TCHHL1: variants seen among roughly 807,000 people sequenced by gnomAD.
The protein encoded by TCHHL1 is trichohyalin-like protein 1.
In TCHHL1, 1 loss-of-function variant was observed where a neutral mutation model predicts 3.5. The observed-to-expected ratio is 0.29, with a 90% CI of 0.10 to 1.36. The LOEUF (loss-of-function observed/expected upper bound fraction) is 1.36. TCHHL1 is among the 40% of genes most tolerant of loss of function. The pLI is 0.43. For synonymous variants in TCHHL1, 405 were observed against 375.3 expected, an observed-to-expected ratio of 1.08 and a Z score of -0.92; for missense variants, 1,027 against 1,032.8, an observed-to-expected ratio of 0.99 and a Z score of 0.08.
At position 152,086,270 on chromosome 1, in the gene TCHHL1, T is replaced by A; in HGVS notation, c.1412A>T (p.His471Leu). ...TGCTTCTGCTGTGCCTTCTTTGGTG[T>A]GTTCTGCCTCTTCTCCTGAGACTGC... Reference protein sequence around the residue: ...GTAVSGEEAEHTKEGTAEAFV... With the variant: ...GTAVSGEEAELTKEGTAEAFV... Residue 471 changes from histidine (H) to leucine (L), a missense_variant, in exon 3 of 3, where the codon CAC becomes CTC. His to Leu is a moderately conservative substitution (Grantham distance 99). Coordinates refer to ENST00000368806, the MANE Select transcript of TCHHL1 (RefSeq NM_001008536.2). 6.2e-7 allele frequency: 1 copy of A among 1,614,264 alleles called. No individual in the cohort carries two copies. Among genetic ancestry groups the A allele is most frequent in the East Asian group, 2.2e-5 (1 of 44,890 alleles).
In TCHHL1 at chr1:152,086,445, G is replaced by A. The variant is rs771617023; in HGVS notation, c.1237C>T (p.Arg413Trp). The change falls in exon 3 of 3, where the codon CGG becomes TGG. Residue 413 changes from arginine to tryptophan, a missense_variant. Around this residue, in one of 3 missense-constraint regions of TCHHL1, gnomAD observed 673 missense variants for 658.6 expected, o/e 1.02. Transcript: ENST00000368806. Reference protein sequence around the residue: ...AGQKERDRKTRPLVLETQTQD... With the variant: ...AGQKERDRKTWPLVLETQTQD... ...GTTTGGGTTTCCAGGACTAGTGGCC[G>A]AGTTTTTCTGTCACGTTCTTTCTGC... The A allele has an allele frequency of 6.2e-6, 10 of 1,613,958 alleles. No individual in the cohort carries two copies. Among genetic ancestry groups the A allele is most frequent in the Middle Eastern group, 1.6e-4 (1 of 6,084 alleles).
In TCHHL1 at chr1:152,088,574, C is replaced by T. The variant is rs1324831596; in HGVS notation, c.-20-411G>A. Among the ~76,000 whole-genome samples the T allele has an allele frequency of 5.3e-5, 8 of 152,160 alleles. No individual in the cohort carries two copies. The East Asian group carries it at 5.8e-4, about 11-fold the overall frequency. ...CCCTTTGGCTCAGTCTAGCCTCCTG[C>T]GGTTAGGAGGGTATAACCTTTAAAG... On this transcript the variant is annotated intron_variant, in intron 1 of 2. Transcript: ENST00000368806.
Position 152,086,959 on chromosome 1 carries a change from C to G in TCHHL1, c.723G>C (p.Glu241Asp). ...ISQEGDEPAR[E>D]QSVSKIRDQF... ...GGTCTCTTATCTTGGAAACACTTTG[C>G]TCTCTGGCTGGTTCATCTCCTTCCT... The change falls in exon 3 of 3, where the codon GAG becomes GAC. Residue 241 changes from glutamate to aspartate, a missense_variant. Coordinates refer to ENST00000368806, the MANE Select transcript of TCHHL1 (RefSeq NM_001008536.2). The G allele has an allele frequency of 6.2e-7, 1 of 1,614,140 alleles. No homozygotes were observed. Among genetic ancestry groups the G allele is most frequent in the Non-Finnish European group, 8.5e-7 (1 of 1,180,034 alleles).
In TCHHL1 at chr1:152,084,388, C is replaced by T. The variant is rs559506893; in HGVS notation, c.*579G>A. 6.0e-6 allele frequency: 1 copy of T among 165,304 alleles called. No individual in the cohort carries two copies. Among genetic ancestry groups the T allele is most frequent in the East Asian group, 1.9e-4 (1 of 5,194 alleles). 10.2% of individuals were successfully genotyped at this position (165,304 alleles called of 1,614,324 possible). A position where few individuals can be genotyped will look rare whatever the true frequency, so the allele number is the denominator to read the frequency against. ...GGATGAGTAATTGAAAGAATGAATC[C>T]ATGGCGATAGATTCAGCTGCACCTG... On this transcript the variant is annotated 3_prime_UTR_variant, in exon 3 of 3. Transcript: ENST00000368806.
Position 152,085,029 on chromosome 1 carries a change from G to A in TCHHL1, c.2653C>T (p.Gln885Ter). 6.2e-7 allele frequency: 1 copy of A among 1,614,090 alleles called. No homozygotes were observed. Among genetic ancestry groups the A allele is most frequent in the Non-Finnish European group, 8.5e-7 (1 of 1,180,014 alleles). The change falls in exon 3 of 3, where the codon CAA becomes TAA. Residue 885 changes from glutamine (Q) to a stop codon, truncating the protein, a stop_gained. Coordinates refer to ENST00000368806, the MANE Select transcript of TCHHL1 (RefSeq NM_001008536.2). LOFTEE classifies it high-confidence loss of function. ...TPAPQALEDK[Q>*]GHPQRERLVL... ...AGCCTCTCTCTCTGAGGGTGACCTT[G>A]CTTATCTTCCAAGGCCTGGGGAGCT...
Position 152,084,976 on chromosome 1 carries a change from T to C in TCHHL1, c.2706A>G (p.Thr902=), listed in dbSNP as rs1333730424. The C allele has an allele frequency of 1.2e-6, 2 of 1,612,840 alleles. No individual in the cohort carries two copies. Among genetic ancestry groups the C allele is most frequent in the East Asian group, 2.2e-5 (1 of 44,872 alleles). The change falls in exon 3 of 3, where the codon ACA becomes ACG. Residue 902 remains threonine, a synonymous_variant. Transcript: ENST00000368806. ...TTGAGATGATAATGATTCATTGCTT[T>C]GTGGTGCTTGCCTCCCTTTGTAGTA... The part of the protein sequence containing the change: ...RLVLQREAST[T]KQ
In TCHHL1 at chr1:152,087,198, C is replaced by T. The variant is rs1457625350; in HGVS notation, c.484G>A (p.Glu162Lys). The T allele has an allele frequency of 6.2e-7, 1 of 1,614,170 alleles. No homozygotes were observed. The highest frequency in any genetic ancestry group is 1.7e-5 in the Admixed American group (1 of 60,030). The part of the protein sequence containing the change: ...VGNNRVDPWR[E>K]AKTHNFPGEA... ...CCTGGAAAGTTGTGAGTCTTGGCTT[C>T]TCTCCATGGGTCCACTCTGTTATTT... Residue 162 changes from glutamate to lysine, a missense_variant, in exon 3 of 3, where the codon GAA becomes AAA. This residue lies in a region of TCHHL1 where 338 missense variants were observed against 335.9 expected (regional missense o/e 1.01). Coordinates refer to ENST00000368806, the MANE Select transcript of TCHHL1 (RefSeq NM_001008536.2).
rs1021514165 is a variant in TCHHL1, at chr1:152,085,595, C to T, written c.2087G>A (p.Arg696Lys). The T allele has an allele frequency of 1.9e-6, 3 of 1,614,082 alleles. No homozygotes were observed. The highest frequency in any genetic ancestry group is 2.7e-5 in the African/African-American group (2 of 74,934). The change falls in exon 3 of 3, where the codon AGA becomes AAA. Residue 696 changes from arginine (R) to lysine (K), a missense_variant. Arg to Lys is a conservative substitution (Grantham distance 26). This residue lies in a region of TCHHL1 where 673 missense variants were observed against 658.6 expected (regional missense o/e 1.02). Coordinates refer to ENST00000368806, the MANE Select transcript of TCHHL1 (RefSeq NM_001008536.2). ...LMQLPGKGDSRNELKVQGPSS... is the reference protein window; with the variant it reads ...LMQLPGKGDSKNELKVQGPSS... The stretch of plus-strand genomic sequence containing the variant: ...TGGGCCTTGGACCTTTAATTCATTT[C>T]TGCTATCTCCCTTTCCAGGGAGCTG...
chr1:152,084,968 C>G lies in TCHHL1; in HGVS notation c.2714G>C (p.Ter905SerextTer27). The change falls in exon 3 of 3, where the codon TGA (stop) becomes TCA (serine). Residue 905 changes from the stop codon to serine, a stop_lost. Transcript: ENST00000368806. Reference protein sequence around the residue: ...LQREASTTKQ* With the variant: ...LQREASTTKQS ...GGGGCATGTTGAGATGATAATGATTCATTGCTTTGTGGTGCTTGCCTCCCT... is the reference window on the plus strand; with the variant it reads ...GGGGCATGTTGAGATGATAATGATTGATTGCTTTGTGGTGCTTGCCTCCCT... The G allele has an allele frequency of 6.2e-7, 1 of 1,611,034 alleles. No individual in the cohort carries two copies.
chr1:152,088,181 C>T lies in TCHHL1; in HGVS notation c.-20-18G>A. ...AGGAGAGGCTGTGAGAAAGAATAAACAAAGCTCATTTTCCAGGATGGGTCC... is the reference window on the plus strand; with the variant it reads ...AGGAGAGGCTGTGAGAAAGAATAAATAAAGCTCATTTTCCAGGATGGGTCC... On this transcript the variant is annotated intron_variant, in intron 1 of 2. Transcript: ENST00000368806. 1 of 1,515,608 alleles carries T rather than the reference C, an allele frequency of 6.6e-7. No individual in the cohort carries two copies. The allele number at this position is 1,515,608 out of a possible 1,614,324, so 93.9% of individuals were successfully genotyped here.
rs751729124 is a variant in TCHHL1, at chr1:152,086,583, A to G, written c.1099T>C (p.Cys367Arg). The part of the protein sequence containing the change: ...GRTSETQEKE[C>R]ETKDLPVQYG... ...TGGACTGGCAGGTCCTTTGTTTCACATTCTTTTTCTTGGGTCTCAGATGTT... is the reference window on the plus strand; with the variant it reads ...TGGACTGGCAGGTCCTTTGTTTCACGTTCTTTTTCTTGGGTCTCAGATGTT... Residue 367 changes from cysteine (C) to arginine (R), a missense_variant, in exon 3 of 3, where the codon TGT (cysteine) becomes CGT (arginine). Cys to Arg is a radical substitution (Grantham distance 180). This residue lies in a region of TCHHL1 where 673 missense variants were observed against 658.6 expected (regional missense o/e 1.02). Coordinates refer to ENST00000368806, the MANE Select transcript of TCHHL1 (RefSeq NM_001008536.2). The G allele has an allele frequency of 5.2e-5, 84 of 1,613,910 alleles. No homozygotes were observed. The Admixed American group carries it at 8.0e-4, about 15-fold the overall frequency.
Position 152,085,950 on chromosome 1 carries a change from C to T in TCHHL1, c.1732G>A (p.Asp578Asn), listed in dbSNP as rs566602576. 1.6e-5 allele frequency: 26 copies of T among 1,614,190 alleles called. No homozygotes were observed. The highest frequency in any genetic ancestry group is 3.3e-5 in the Admixed American group (2 of 60,020). Residue 578 changes from aspartate (D) to asparagine (N), a missense_variant, in exon 3 of 3, where the codon GAC becomes AAC. By Grantham distance (23) the Asp-to-Asn change is conservative. This residue lies in a region of TCHHL1 where 673 missense variants were observed against 658.6 expected (regional missense o/e 1.02). Transcript: ENST00000368806. ...PVQGDSQSQG[D>N]QHGESVQGGH... The stretch of plus-strand genomic sequence containing the variant: ...CCTTGCACAGACTCTCCATGTTGGT[C>T]CCCTTGACTCTGGGAGTCCCCTTGC...
Position 152,086,739 on chromosome 1 carries a change from G to A in TCHHL1, c.943C>T (p.Pro315Ser), listed in dbSNP as rs267598023. 3 of 1,614,180 alleles carry A rather than the reference G, an allele frequency of 1.9e-6. No homozygotes were observed. The highest frequency in any genetic ancestry group is 1.7e-6 in the Non-Finnish European group (2 of 1,180,026). ...DLPEQAAARS[P>S]SQTQKSTDSK... Reference sequence around the variant, plus strand: ...TCAGTTGATTTCTGTGTCTGAGATGGTGACCTGGCAGCAGCTTGTTCTGGC... The same window carrying A: ...TCAGTTGATTTCTGTGTCTGAGATGATGACCTGGCAGCAGCTTGTTCTGGC... The change falls in exon 3 of 3, where the codon CCA becomes TCA. Residue 315 changes from proline to serine, a missense_variant. Pro to Ser is a moderately conservative substitution (Grantham distance 74, BLOSUM62 -1). This residue lies in a region of TCHHL1 where 16 missense variants were observed against 38.3 expected (regional missense o/e 0.42). Coordinates refer to ENST00000368806, the MANE Select transcript of TCHHL1 (RefSeq NM_001008536.2).
chr1:152,087,598 A>C, intron 2 of TCHHL1, 55 bp from the exon 3 acceptor site: 1 of 1,495,144 alleles, frequency 6.7e-7, no homozygotes, highest in Non-Finnish European at 8.9e-7. Context: ...CAGTGTCCTA[A>C]GTGTCTCCCA....
Position 152,086,195 on chromosome 1 carries a change from C to T in TCHHL1, c.1487G>A (p.Arg496Lys). 1 of 1,614,194 alleles carries T rather than the reference C, an allele frequency of 6.2e-7. No individual in the cohort carries two copies. The highest frequency in any genetic ancestry group is 8.5e-7 in the Non-Finnish European group (1 of 1,180,028). ...TGGTGCTAAATCTTGTGTTCTTTCT[C>T]TTGCCCCCAGTGTCCTTTCTGCTGC... Reference protein sequence around the residue: ...APAAERTLGARERTQDLAPLE... With the variant: ...APAAERTLGAKERTQDLAPLE... The change falls in exon 3 of 3, where the codon AGA (arginine) becomes AAA (lysine). Residue 496 changes from arginine to lysine, a missense_variant. Coordinates refer to ENST00000368806, the MANE Select transcript of TCHHL1 (RefSeq NM_001008536.2).
At position 152,085,497 on chromosome 1, in the gene TCHHL1, A is replaced by G; in HGVS notation, c.2185T>C (p.Ser729Pro). ...TLLESLDEDN[S>P]ASLKIQLETK... ...TCAAGTTGTATCTTGAGGGAGGCTG[A>G]ATTGTCCTCATCTAGACTTTCTAAC... The change falls in exon 3 of 3, where the codon TCA (serine) becomes CCA (proline). Residue 729 changes from serine to proline, a missense_variant. This residue lies in a region of TCHHL1 where 673 missense variants were observed against 658.6 expected (regional missense o/e 1.02). Transcript: ENST00000368806. The G allele has an allele frequency of 6.2e-7, 1 of 1,614,148 alleles. No individual in the cohort carries two copies. Among genetic ancestry groups the G allele is most frequent in the African/African-American group, 1.3e-5 (1 of 75,018 alleles).
rs1422371104 is a variant in TCHHL1 at position 152,086,569 on chromosome 1, G to C, written c.1113C>G (p.Asp371Glu). 3 of 1,614,132 alleles carry C rather than the reference G, an allele frequency of 1.9e-6. No individual in the cohort carries two copies. The highest frequency in any genetic ancestry group is 1.3e-5 in the African/African-American group (1 of 75,012). ...TTCTGCTACCATATTGGACTGGCAG[G>C]TCCTTTGTTTCACATTCTTTTTCTT... ...ETQEKECETKDLPVQYGSRNG... is the reference protein window; with the variant it reads ...ETQEKECETKELPVQYGSRNG... The change falls in exon 3 of 3, where the codon GAC becomes GAG. Residue 371 changes from aspartate (D) to glutamate (E), a missense_variant. This residue lies in a region of TCHHL1 where 673 missense variants were observed against 658.6 expected (regional missense o/e 1.02). Coordinates refer to ENST00000368806, the MANE Select transcript of TCHHL1 (RefSeq NM_001008536.2).
Position 152,085,013 on chromosome 1 carries a change from C to T in TCHHL1, c.2669G>A (p.Arg890Lys). The T allele has an allele frequency of 6.2e-7, 1 of 1,614,078 alleles. No homozygotes were observed. The highest frequency in any genetic ancestry group is 8.5e-7 in the Non-Finnish European group (1 of 1,180,004). The stretch of plus-strand genomic sequence containing the variant: ...CTCCCTTTGTAGTACCAGCCTCTCT[C>T]TCTGAGGGTGACCTTGCTTATCTTC... The part of the protein sequence containing the change: ...ALEDKQGHPQ[R>K]ERLVLQREAS... The change falls in exon 3 of 3, where the codon AGA becomes AAA. Residue 890 changes from arginine (R) to lysine (K), a missense_variant. By Grantham distance (26) the Arg-to-Lys change is conservative. Around this residue, in one of 3 missense-constraint regions of TCHHL1, gnomAD observed 673 missense variants for 658.6 expected, o/e 1.02. Transcript: ENST00000368806.
chr1:152,086,241 C>A lies in TCHHL1; in HGVS notation c.1441G>T (p.Val481Leu), dbSNP rs542560544. The A allele has an allele frequency of 3.5e-5, 57 of 1,614,222 alleles. No individual in the cohort carries two copies. The highest frequency in any genetic ancestry group is 4.7e-5 in the Non-Finnish European group (55 of 1,180,046). The change falls in exon 3 of 3, where the codon GTG becomes TTG. Residue 481 changes from valine (V) to leucine (L), a missense_variant. Coordinates refer to ENST00000368806, the MANE Select transcript of TCHHL1 (RefSeq NM_001008536.2). ...HTKEGTAEAF[V>L]NSKNAPAAER... Reference sequence around the variant, plus strand: ...GCTGCAGGTGCGTTTTTGCTGTTCACAAATGCTTCTGCTGTGCCTTCTTTG... The same window carrying A: ...GCTGCAGGTGCGTTTTTGCTGTTCAAAAATGCTTCTGCTGTGCCTTCTTTG...
Sources: gnomAD v4.1 joint callset for allele counts (sites outside exome capture counted in the v4.1 genomes callset) on GRCh38, gnomAD v4.1.1 for gene constraint, gnomAD v4.1.1 regional missense constraint, MANE v1.5 for transcripts, NCBI Gene and HGNC (gene_info 2026-07-23, HGNC 2026-07-21) for gene names.